Variants in PARP15 observed in about 807,000 individuals in gnomAD.
PARP15 encodes the protein protein mono-ADP-ribosyltransferase PARP15.
Under a neutral mutation model 62.1 loss-of-function variants are expected in PARP15, and 50 were observed. The observed-to-expected ratio is 0.81, with a 90% CI of 0.64 to 1.02. The LOEUF (loss-of-function observed/expected upper bound fraction) is 1.02. Among genes scored for constraint, PARP15 ranks in the 50% least tolerant of loss-of-function variants. The pLI, the probability that PARP15 is intolerant of heterozygous loss-of-function variation, is 0.00. For synonymous variants in PARP15, 309 were observed against 293.1 expected (o/e 1.05, Z -0.55); for missense variants, 820 against 826.5 (o/e 0.99, Z 0.10).
At chr3:122,584,767 G>A (rs901506855) in intron 1 of PARP15, among the ~76,000 whole-genome samples, 12 of 151,828 alleles carry the variant, frequency 7.9e-5, no homozygotes, top group African/African-American at 2.2e-4. Flanking sequence ...TAGTGGAGAC[G>A]GCGTTTCACC....
rs772962397 is a variant in PARP15, at chr3:122,636,084, T to TA, written c.2023dup (p.Thr675AsnfsTer14). On this transcript the variant is annotated frameshift_variant, in exon 12 of 12. Coordinates refer to ENST00000464300, the MANE Select transcript of PARP15 (RefSeq NM_001113523.3). LOFTEE classifies it high-confidence loss of function. ...AATCAGGCTTACCCAGAATATCTCA[T>TA]AACTTTCACGGCTTAAAAATATTTT... The TA allele has an allele frequency of 6.2e-7, 1 of 1,610,318 alleles. No homozygotes were observed. The highest frequency in any genetic ancestry group is 2.2e-5 in the East Asian group (1 of 44,820).
chr3:122,615,571 A>T, intron 4 of PARP15: 1 of 1,227,194 alleles, frequency 8.1e-7, no homozygotes, highest in South Asian at 1.6e-5. Flanking sequence ...GTGTTAGTTT[A>T]CTCACAAAGT....
At chr3:122,606,652 C>A (rs1488135772) in intron 2 of PARP15, among the ~76,000 whole-genome samples, 1 of 152,124 alleles carries the variant, frequency 6.6e-6, no homozygotes, top group Non-Finnish European at 1.5e-5. Context: ...CATAATCATC[C>A]GGGGGACCTT....
chr3:122,625,374 T>C (rs1936649542), intron 8 of PARP15, among the ~76,000 whole-genome samples: 1 of 152,060 alleles, frequency 6.6e-6, no homozygotes, highest in Non-Finnish European at 1.5e-5. Flanking sequence ...CTACCTTAGC[T>C]TCCCGAGTAG....
At chr3:122,598,199 A>T (rs1934506452) in intron 1 of PARP15, among the ~76,000 whole-genome samples, 1 of 152,174 alleles carries the variant, frequency 6.6e-6, no homozygotes, top group African/African-American at 2.4e-5. Flanking sequence ...CTGCCTCCTC[A>T]AGCCATCCTA....
chr3:122,627,371 G>C (rs1936802238), intron 9 of PARP15, among the ~76,000 whole-genome samples: 1 of 152,176 alleles, frequency 6.6e-6, no homozygotes, highest in African/African-American at 2.4e-5. Context: ...TCTTGGAGCT[G>C]TGAACTAGCT....
chr3:122,582,170 G>C (rs1255144674), intron 1 of PARP15, among the ~76,000 whole-genome samples: 1 of 134,898 alleles, frequency 7.4e-6, no homozygotes, highest in South Asian at 2.2e-4. Flanking sequence ...TATTGTGAAT[G>C]ATATTTCCTT....
intron 1 of PARP15, among the ~76,000 whole-genome samples, chr3:122,591,093 G>T (rs1405426463): frequency 1.3e-5 from 2 of 152,154 alleles, no homozygotes; most frequent in African/African-American, 4.8e-5. Flanking sequence ...AAAGCAATGA[G>T]TCAAATCTAT....
rs1559960056 is a variant in PARP15 at position 122,610,634 on chromosome 3, TA to T, written c.449del (p.Asn150ThrfsTer4). ...RRRETEEKVG[N>X]IFMTSGCNLD... Reference sequence around the variant, plus strand: ...GGCGGGAAACAGAGGAAAAAGTAGGTAACATATTCATGACAAGCGGCTGCAA... The same window carrying T: ...GGCGGGAAACAGAGGAAAAAGTAGGTACATATTCATGACAAGCGGCTGCAA... On this transcript the variant is annotated frameshift_variant, in exon 3 of 12. Coordinates refer to ENST00000464300, the MANE Select transcript of PARP15 (RefSeq NM_001113523.3). LOFTEE classifies it high-confidence loss of function. The T allele has an allele frequency of 4.5e-6, 7 of 1,551,550 alleles. No homozygotes were observed. The highest frequency in any genetic ancestry group is 5.2e-6 in the Non-Finnish European group (6 of 1,146,944).
chr3:122,636,001 C>T lies in PARP15; in HGVS notation c.1938C>T (p.Leu646=), dbSNP rs371469508. 1 of 1,613,980 alleles carries T rather than the reference C, an allele frequency of 6.2e-7. No homozygotes were observed. Among genetic ancestry groups the T allele is most frequent in the Non-Finnish European group, 8.5e-7 (1 of 1,180,014 alleles). ...AGAATCCTCACAATCCCACAGATCT[C>T]TTTGACTCAGTGACAAACAATACAC... is the stretch of plus-strand genomic sequence containing the variant. ...PPKNPHNPTD[L]FDSVTNNTRS... Residue 646 remains leucine, a synonymous_variant, in exon 12 of 12, where the codon CTC becomes CTT. Transcript: ENST00000464300.
chr3:122,594,518 G>A (rs1934187165), intron 1 of PARP15: 1 of 980,120 alleles, frequency 1.0e-6, no homozygotes, highest in Non-Finnish European at 1.2e-6. Flanking sequence ...CAAATTGGAA[G>A]TCATTGTTAA....
At position 122,577,895 on chromosome 3, in the gene PARP15, G is replaced by A. The variant is rs1424300987; in HGVS notation, c.186+42G>A. 16 of 1,489,266 alleles carry A rather than the reference G, an allele frequency of 1.1e-5. No homozygotes were observed. In the South Asian group the frequency reaches 2.0e-4, roughly 19 times the overall value. The allele number at this position is 1,489,266 out of a possible 1,614,324, so 92.3% of individuals were successfully genotyped here. Reference sequence around the variant, plus strand: ...ACGGGTGCGGGAAGGGGACAGCAGGGCTGAGCCTGGGGCCCGCAAGACCCA... The same window carrying A: ...ACGGGTGCGGGAAGGGGACAGCAGGACTGAGCCTGGGGCCCGCAAGACCCA... On this transcript the variant is annotated intron_variant, in intron 1 of 11. Transcript: ENST00000464300.
chr3:122,590,334 A>G (rs922603986), intron 1 of PARP15, among the ~76,000 whole-genome samples: 10 of 151,958 alleles, frequency 6.6e-5, no homozygotes, highest in African/African-American at 2.4e-4. Flanking sequence ...GTGCAGTGGC[A>G]TGATCTCGGC....
chr3:122,607,751 T>C (rs1935253152), intron 2 of PARP15, among the ~76,000 whole-genome samples: 1 of 152,252 alleles, frequency 6.6e-6, no homozygotes. Flanking sequence ...TGGTGCTGTG[T>C]AAACTTTGGA....
intron 11 of PARP15, among the ~76,000 whole-genome samples, chr3:122,635,406 T>G (rs189850385): frequency 2.6e-5 from 4 of 152,148 alleles, no homozygotes; most frequent in East Asian, 3.9e-4. Context: ...CGTGCAGTTT[T>G]TTTTTTAATG....
intron 1 of PARP15, among the ~76,000 whole-genome samples, chr3:122,581,924 G>T (rs1423809990): frequency 6.6e-6 from 1 of 152,172 alleles, no homozygotes; most frequent in Non-Finnish European, 1.5e-5. Flanking sequence ...TTGAAATCAG[G>T]AAGTGAAAGA....
At position 122,615,195 on chromosome 3, in the gene PARP15, C is replaced by G. The variant is rs1020840354; in HGVS notation, c.772-584C>G. On this transcript the variant is annotated intron_variant, in intron 4 of 11. Transcript: ENST00000464300. ...GCCCATTGCTCAATTTTATCACTCA[C>G]ACGACCAAAATGCCTTTTTGTTTTT... 2.4e-6 allele frequency: 3 copies of G among 1,251,644 alleles called. No individual in the cohort carries two copies. In the East Asian group the frequency reaches 1.7e-4, roughly 72 times the overall value. 77.5% of individuals were successfully genotyped at this position (1,251,644 alleles called of 1,614,324 possible). A position where few individuals can be genotyped will look rare whatever the true frequency, so the allele number is the denominator to read the frequency against.
At chr3:122,631,659 A>G (rs1683064667) in intron 9 of PARP15, among the ~76,000 whole-genome samples, 1 of 152,236 alleles carries the variant, frequency 6.6e-6, no homozygotes, top group Non-Finnish European at 1.5e-5. Context: ...GGGGTACAGA[A>G]CAATGTGCTT....
chr3:122,615,995 T>A (rs1935940426), intron 5 of PARP15, 138 bp downstream of exon 5: 2 of 795,348 alleles, frequency 2.5e-6, no homozygotes, highest in African/African-American at 1.8e-5. Flanking sequence ...TTAGAGCATG[T>A]CCCATTGTCT....
Sources: gnomAD v4.1 joint callset for allele counts (sites outside exome capture counted in the v4.1 genomes callset) on GRCh38, gnomAD v4.1.1 for gene constraint, MANE v1.5 for transcripts, NCBI Gene and HGNC (gene_info 2026-07-23, HGNC 2026-07-21) for gene names.